NGF: variants seen among roughly 807,000 people sequenced by gnomAD.
NGF encodes the protein nerve growth factor, also known as beta-nerve growth factor.
A neutral mutation model predicts 12.8 loss-of-function variants in NGF; 4 were observed. That is an observed-to-expected ratio of 0.31 (90% CI 0.15 to 0.72). The LOEUF (loss-of-function observed/expected upper bound fraction) is 0.72. NGF is among the 30% of genes least tolerant of loss of function. The pLI is 0.69. For missense variants in NGF, 283 were observed against 330.8 expected, an observed-to-expected ratio of 0.86 and a Z score of 1.12; for synonymous variants, 140 against 130.0, an observed-to-expected ratio of 1.08 and a Z score of -0.52.
At chr1:115,313,148 T>C (rs1025645903) in intron 1 of NGF, among the ~76,000 whole-genome samples, 9 of 152,234 alleles carry the variant, frequency 5.9e-5, no homozygotes, top group African/African-American at 1.9e-4. Flanking sequence ...AAGCCAGTCA[T>C]GTGTGAAGGA....
chr1:115,334,106 A>G (rs1314080011), intron 1 of NGF, among the ~76,000 whole-genome samples: 1 of 152,220 alleles, frequency 6.6e-6, no homozygotes, highest in East Asian at 1.9e-4. Context: ...TGCCACAAGC[A>G]CCATCCCTCG....
chr1:115,313,538 C>T (rs188443672), intron 1 of NGF, among the ~76,000 whole-genome samples: 3 of 152,138 alleles, frequency 2.0e-5, no homozygotes, highest in African/African-American at 4.8e-5. Flanking sequence ...AAGGTAAAAG[C>T]GAAATACTCA....
At chr1:115,316,682 G>C (rs1265410149) in intron 1 of NGF, among the ~76,000 whole-genome samples, 2 of 152,098 alleles carry the variant, frequency 1.3e-5, no homozygotes, top group Non-Finnish European at 2.9e-5. Flanking sequence ...TCAGATTACA[G>C]TTTTAACCTA....
In NGF at chr1:115,286,610, G is replaced by A. The variant is rs780432648; in HGVS notation, c.186C>T (p.Arg62=). Residue 62 remains arginine, a synonymous_variant, in exon 3 of 3, where the codon CGC becomes CGT. Transcript: ENST00000369512. ...TAATGTTGCGGGTCTGCCCCGCCAC[G>A]CGTGCAGCTATCGCCGCTGCCGGGG... is the stretch of plus-strand genomic sequence containing the variant. ...RSAPAAAIAA[R]VAGQTRNITV... is the part of the protein sequence containing the mutation. 13 of 1,614,202 alleles carry A rather than the reference G, an allele frequency of 8.1e-6. No homozygotes were observed. Among genetic ancestry groups the A allele is most frequent in the African/African-American group, 1.3e-5 (1 of 75,062 alleles).
intron 1 of NGF, among the ~76,000 whole-genome samples, chr1:115,301,715 A>G (rs1412312156): frequency 6.6e-6 from 1 of 152,224 alleles, no homozygotes; most frequent in African/African-American, 2.4e-5. Context: ...TTGCCAACAA[A>G]GATGCTGAGT....
chr1:115,307,955 A>C (rs1449741035), intron 1 of NGF, among the ~76,000 whole-genome samples: 1 of 152,244 alleles, frequency 6.6e-6, no homozygotes, highest in Admixed American at 6.5e-5. Flanking sequence ...TTGGAAAAGA[A>C]ATTGTGAGTA....
intron 1 of NGF, among the ~76,000 whole-genome samples, chr1:115,301,877 C>G (rs979922890): frequency 5.9e-5 from 9 of 152,220 alleles, no homozygotes; most frequent in African/African-American, 2.2e-4. Flanking sequence ...AAGTTAATAG[C>G]ATCTTTGCTT....
At chr1:115,330,620 C>T (rs1654892198) in intron 1 of NGF, among the ~76,000 whole-genome samples, 2 of 152,126 alleles carry the variant, frequency 1.3e-5, no homozygotes, top group South Asian at 4.1e-4. Flanking sequence ...TTTGTTTCAG[C>T]AGCTAGGGGC....
chr1:115,331,312 A>G (rs1160711623), intron 1 of NGF, among the ~76,000 whole-genome samples: 1 of 152,172 alleles, frequency 6.6e-6, no homozygotes, highest in Non-Finnish European at 1.5e-5. Flanking sequence ...ACCTAAATCC[A>G]GTTCTATCTG....
intron 1 of NGF, among the ~76,000 whole-genome samples, chr1:115,316,613 G>A (rs1654481981): frequency 6.6e-6 from 1 of 152,024 alleles, no homozygotes; most frequent in African/African-American, 2.4e-5. Context: ...ATATATACAT[G>A]TTTGCTTATG....
chr1:115,311,038 C>A (rs909543003), intron 1 of NGF, among the ~76,000 whole-genome samples: 10 of 152,090 alleles, frequency 6.6e-5, no homozygotes, highest in African/African-American at 2.4e-4. Flanking sequence ...CTATTTTGGG[C>A]AAACAAGGGA....
At chr1:115,289,162 C>T (rs2268793) in intron 2 of NGF, among the ~76,000 whole-genome samples, 11,754 of 152,174 alleles carry the variant, frequency 0.077, 664 homozygotes, top group East Asian at 0.26. Context: ...CAACTCTTAG[C>T]GGACTGAATA....
chr1:115,292,521 A>C (rs1208928022), intron 2 of NGF, among the ~76,000 whole-genome samples: 1 of 152,322 alleles, frequency 6.6e-6, no homozygotes, highest in East Asian at 1.9e-4. Context: ...CCACGAGTCT[A>C]GCCTAATTCT....
At chr1:115,297,201 A>G (rs1193606670) in intron 1 of NGF, among the ~76,000 whole-genome samples, 1 of 152,176 alleles carries the variant, frequency 6.6e-6, no homozygotes, top group Non-Finnish European at 1.5e-5. Flanking sequence ...AAACACAACA[A>G]TCTGCGGTTT....
At chr1:115,291,321 A>C (rs1571073362) in intron 2 of NGF, among the ~76,000 whole-genome samples, 1 of 152,354 alleles carries the variant, frequency 6.6e-6, no homozygotes, top group East Asian at 1.9e-4. Context: ...ACCATTTAGA[A>C]AAGAACATTC....
At chr1:115,306,947 C>T (rs34377570) in intron 1 of NGF, among the ~76,000 whole-genome samples, 7,040 of 152,248 alleles carry the variant, frequency 0.046, 239 homozygotes, top group South Asian at 0.13. Context: ...ATATTGGTAC[C>T]GATGATTGAT....
At chr1:115,299,462 C>T (rs1653967931) in intron 1 of NGF, among the ~76,000 whole-genome samples, 1 of 152,172 alleles carries the variant, frequency 6.6e-6, no homozygotes, top group Non-Finnish European at 1.5e-5. Context: ...GAAACACAAT[C>T]TGCATGTTCA....
At chr1:115,306,000 C>T (rs1654193242) in intron 1 of NGF, among the ~76,000 whole-genome samples, 1 of 152,134 alleles carries the variant, frequency 6.6e-6, no homozygotes, top group African/African-American at 2.4e-5. Context: ...CATGGACATG[C>T]AATAGCAAAC....
At chr1:115,332,709 A>G (rs1654955167) in intron 1 of NGF, among the ~76,000 whole-genome samples, 1 of 152,174 alleles carries the variant, frequency 6.6e-6, no homozygotes, top group Non-Finnish European at 1.5e-5. Context: ...TTTGTCTTAC[A>G]GATGAGAAAA....
Sources: allele counts gnomAD v4.1 joint callset (sites outside exome capture counted in the v4.1 genomes callset), GRCh38; gene constraint gnomAD v4.1.1; transcripts MANE v1.5; gene names NCBI Gene and HGNC (gene_info 2026-07-23, HGNC 2026-07-21).